The following USO1 variants were observed in gnomAD, a reference collection of about 807,000 sequenced individuals.
USO1 encodes the protein USO1 vesicle transport factor.
In USO1, 57 loss-of-function variants were observed where a neutral mutation model predicts 124.5. The ratio of observed to expected loss-of-function variants is 0.46; its 90% CI spans 0.37 to 0.57. USO1 has a LOEUF of 0.57. Ranked by LOEUF, USO1 falls within the 20% of genes least tolerant of loss-of-function variation. USO1 has a pLI of 0.00. For synonymous variants in USO1, 369 were observed against 362.8 expected, an observed-to-expected ratio of 1.02 and a Z score of -0.19; for missense variants, 900 against 1,040.6, an observed-to-expected ratio of 0.86 and a Z score of 1.86.
chr4:75,790,002 C>G lies in USO1; in HGVS notation c.997-148C>G, dbSNP rs1722482329. ...TTTTTTTTCATGTATACATATGTAA[C>G]TAACCTGCACAATGTGCACATGTAC... On this transcript the variant is annotated intron_variant, in intron 10 of 23. Transcript: ENST00000514213. The G allele has an allele frequency of 7.1e-6, 6 of 848,346 alleles. 1 individual carries two copies. In the South Asian group the frequency reaches 1.6e-4, roughly 23 times the overall value. 52.6% of individuals were successfully genotyped at this position (848,346 alleles called of 1,614,324 possible).
chr4:75,739,607 C>A (rs1450257819), intron 1 of USO1, among the ~76,000 whole-genome samples: 1 of 127,652 alleles, frequency 7.8e-6, no homozygotes, highest in African/African-American at 2.9e-5. Context: ...GTGGCGTGAT[C>A]TCGGCTCACT....
At chr4:75,790,878 C>T (rs1722509468) in intron 12 of USO1, 81 bp downstream of exon 12, 3 of 1,381,834 alleles carry the variant, frequency 2.2e-6, no homozygotes, top group Non-Finnish European at 2.8e-6. Context: ...TCTTTTTATG[C>T]TTTAGCCTAA....
chr4:75,742,147 C>A (rs531179218), intron 1 of USO1, among the ~76,000 whole-genome samples: 50 of 152,290 alleles, frequency 3.3e-4, no homozygotes, highest in Non-Finnish European at 5.4e-4. Context: ...CTAACATAAC[C>A]ATTAAAAGTA....
chr4:75,724,799 AC>A lies in USO1; in HGVS notation c.-19del, dbSNP rs765026016. 4 of 1,613,692 alleles carry A rather than the reference AC, an allele frequency of 2.5e-6. 1 individual carries two copies. The South Asian group carries it at 4.4e-5, about 18-fold the overall frequency. On this transcript the variant is annotated 5_prime_UTR_variant, in exon 1 of 24. Transcript: ENST00000514213. Reference sequence around the variant, plus strand: ...CTTTTTTTTCCGGAGGGGCCGGTAAACCTGGTGGCTGAACGGCAAGATGAAT... The same window carrying A: ...CTTTTTTTTCCGGAGGGGCCGGTAAACTGGTGGCTGAACGGCAAGATGAAT...
chr4:75,734,043 TC>T (rs1720716806), intron 1 of USO1, among the ~76,000 whole-genome samples: 2 of 148,328 alleles, frequency 1.3e-5, no homozygotes, highest in South Asian at 4.3e-4. Flanking sequence ...CCTCCCGGAT[TC>T]AAGCGATTCT....
Position 75,782,786 on chromosome 4 carries a change from T to G in USO1, c.783T>G (p.Pro261=). The change falls in exon 9 of 24, where the codon CCT becomes CCG. Residue 261 remains proline (P), a synonymous_variant. Transcript: ENST00000514213. The part of the protein sequence containing the change: ...KEGSYIQRMK[P]WFEVGDENSG... ...GCTCATATATTCAACGTATGAAACC[T>G]TGGTTTGAAGTTGGAGATGAAAATT... 6.2e-7 allele frequency: 1 copy of G among 1,602,074 alleles called. No homozygotes were observed. The highest frequency in any genetic ancestry group is 2.2e-5 in the East Asian group (1 of 44,670).
At chr4:75,743,880 C>T (rs1721039852) in intron 1 of USO1, among the ~76,000 whole-genome samples, 1 of 151,990 alleles carries the variant, frequency 6.6e-6, no homozygotes, top group African/African-American at 2.4e-5. Context: ...GGATTCACGC[C>T]ATTCTCCTGC....
chr4:75,751,323 T>C (rs1721292761), intron 1 of USO1, among the ~76,000 whole-genome samples: 1 of 150,658 alleles, frequency 6.6e-6, no homozygotes, highest in Non-Finnish European at 1.5e-5. Context: ...GCAATTCTTC[T>C]GCCTCAGCCT....
chr4:75,747,602 C>CTTTTTTTTTTTTTTT (rs59636038), intron 1 of USO1, among the ~76,000 whole-genome samples: 1 of 83,684 alleles, frequency 1.2e-5, no homozygotes, highest in Non-Finnish European at 2.2e-5. Flanking sequence ...TCACCTTTGA[C>CTTTTTTTTTTTTTTT]TTTTTTTTTT....
At chr4:75,761,754 CT>C (rs1721614687) in intron 4 of USO1, among the ~76,000 whole-genome samples, 1 of 152,060 alleles carries the variant, frequency 6.6e-6, no homozygotes, top group African/African-American at 2.4e-5. Flanking sequence ...AGGTGCTTAA[CT>C]TTTTTAAATG....
Position 75,724,605 on chromosome 4 carries a change from A to T in USO1, c.-215A>T, listed in dbSNP as rs141901683. The T allele has an allele frequency of 1.3e-3, 758 of 567,500 alleles. 4 individuals carry two copies. The African/African-American group carries it at 0.014, about 10-fold the overall frequency. The allele number at this position is 567,500 out of a possible 1,614,324, so 35.2% of individuals were successfully genotyped here. The stretch of plus-strand genomic sequence containing the variant: ...TTTTGCCTTCAACCTTCGAGCCGCC[A>T]CGTAATGCCACGTCCCCGCGCATGC... On this transcript the variant is annotated 5_prime_UTR_variant, in exon 1 of 24. Coordinates refer to ENST00000514213, the MANE Select transcript of USO1 (RefSeq NM_003715.4).
At chr4:75,792,777 ATTCT>A (rs1326479900) in intron 12 of USO1, among the ~76,000 whole-genome samples, 1 of 152,012 alleles carries the variant, frequency 6.6e-6, no homozygotes, top group Non-Finnish European at 1.5e-5. Flanking sequence ...TATCTTATTC[ATTCT>A]TTCTAACAAT....
chr4:75,810,592 A>G, intron 22 of USO1, 53 bp downstream of exon 22: 1 of 1,503,308 alleles, frequency 6.7e-7, no homozygotes, highest in South Asian at 1.3e-5. Context: ...AATGAACTCT[A>G]GGAAATTTTA....
At position 75,725,643 on chromosome 4, in the gene USO1, C is replaced by G. The variant is rs1226921047; in HGVS notation, c.66+758C>G. On this transcript the variant is annotated intron_variant, in intron 1 of 23. Coordinates refer to ENST00000514213, the MANE Select transcript of USO1 (RefSeq NM_003715.4). ...AAAAAAAAAAAAAAATGGTTAGCCGCTGAAAACATTATTTAATAGTTGCTT... is the reference window on the plus strand; with the variant it reads ...AAAAAAAAAAAAAAATGGTTAGCCGGTGAAAACATTATTTAATAGTTGCTT... Among the ~76,000 whole-genome samples, 3 of 151,632 alleles carry G rather than the reference C, an allele frequency of 2.0e-5. No individual in the cohort carries two copies. In the South Asian group the frequency reaches 6.2e-4, roughly 32 times the overall value.
chr4:75,753,378 A>G, intron 3 of USO1, among the ~76,000 whole-genome samples: 1 of 114,546 alleles, frequency 8.7e-6, no homozygotes, highest in Non-Finnish European at 1.6e-5. Context: ...ACTAAAAATA[A>G]CAAAAATTAG....
At chr4:75,811,998 T>C (rs1182782945) in intron 22 of USO1, among the ~76,000 whole-genome samples, 162 bp from the exon 23 acceptor site, 2 of 152,222 alleles carry the variant, frequency 1.3e-5, no homozygotes, top group East Asian at 3.8e-4. Context: ...AATAAATTCA[T>C]GTTAGTGTGT....
chr4:75,739,601 C>T (rs566915201), intron 1 of USO1, among the ~76,000 whole-genome samples: 85 of 130,780 alleles, frequency 6.5e-4, no homozygotes, highest in African/African-American at 1.5e-3. Context: ...AGTGCAGTGG[C>T]GTGATCTCGG....
At chr4:75,751,488 A>G (rs1008983609) in intron 1 of USO1, among the ~76,000 whole-genome samples, 50 of 146,196 alleles carry the variant, frequency 3.4e-4, no homozygotes, top group African/African-American at 1.2e-3. Context: ...CTGGGATTAC[A>G]GGCATGAGCC....
chr4:75,735,419 A>C (rs1480596634), intron 1 of USO1, among the ~76,000 whole-genome samples: 1 of 152,104 alleles, frequency 6.6e-6, no homozygotes, highest in African/African-American at 2.4e-5. Context: ...TCGGATGTCA[A>C]TTCTTTCTCT....
Sources: gnomAD v4.1 joint callset for allele counts (sites outside exome capture counted in the v4.1 genomes callset) on GRCh38, gnomAD v4.1.1 for gene constraint, MANE v1.5 for transcripts, NCBI Gene and HGNC (gene_info 2026-07-23, HGNC 2026-07-21) for gene names.